Variants in ACACB observed in about 807,000 individuals in gnomAD.
ACACB encodes acetyl-CoA carboxylase 2.
A neutral mutation model predicts 278.8 loss-of-function variants in ACACB; 209 were observed. The observed-to-expected ratio is 0.75, with a 90% CI of 0.67 to 0.84. ACACB has a LOEUF of 0.84. Ranked by LOEUF, ACACB falls within the 40% of genes least tolerant of loss-of-function variation. The probability of loss-of-function intolerance (pLI) is 0.00; values close to 1 mark genes in which losing one functional copy is unlikely to be tolerated. For missense variants in ACACB, 2,850 were observed against 3,269.0 expected (o/e 0.87, Z 3.13); for synonymous variants, 1,174 against 1,285.6 (o/e 0.91, Z 1.86).
chr12:109,218,168 C>G (rs1017147276), intron 24 of ACACB, among the ~76,000 whole-genome samples: 1 of 152,176 alleles, frequency 6.6e-6, no homozygotes, highest in Non-Finnish European at 1.5e-5. Context: ...GTTCTTGTTT[C>G]TCTTTCCACT....
At position 109,222,638 on chromosome 12, in the gene ACACB, G is replaced by A. The variant is rs761953064; in HGVS notation, c.3678+18G>A. 27 of 1,603,888 alleles carry A rather than the reference G, an allele frequency of 1.7e-5. No homozygotes were observed. Among genetic ancestry groups the A allele is most frequent in the Admixed American group, 6.7e-5 (4 of 59,956 alleles). The stretch of plus-strand genomic sequence containing the variant: ...CCCGGCAGGTAGGGTCTCAGGGTGC[G>A]GTCCCCACGATGTGCGTTTCCCCCC... On this transcript the variant is annotated intron_variant, in intron 25 of 52. Transcript: ENST00000338432.
chr12:109,228,208 G>A (rs575766793), intron 28 of ACACB, among the ~76,000 whole-genome samples: 1 of 151,552 alleles, frequency 6.6e-6, no homozygotes, highest in South Asian at 2.1e-4. Context: ...GCATGGTGGT[G>A]TGCACTGGTA....
intron 1 of ACACB, among the ~76,000 whole-genome samples, chr12:109,124,150 T>C (rs1365351698): frequency 1.3e-5 from 2 of 152,190 alleles, no homozygotes; most frequent in African/African-American, 2.4e-5. Flanking sequence ...TAGTACCTAG[T>C]TCATGCTGAC....
Position 109,253,140 on chromosome 12 carries a change from G to A in ACACB, c.6027G>A (p.Trp2009Ter). The change falls in exon 43 of 53, where the codon TGG (tryptophan) becomes TGA (stop). Residue 2009 changes from tryptophan (W) to a stop codon, truncating the protein, a stop_gained. Transcript: ENST00000338432. LOFTEE classifies it high-confidence loss of function. ...DFEGVYTILEWLSYMPKDNHS... is the reference protein window; with the variant it reads ...DFEGVYTILE ...AGGGGGTTTATACCATCCTGGAGTG[G>A]CTGTCCTATATGCCAAAGGTGCAGT... 1 of 1,593,914 alleles carries A rather than the reference G, an allele frequency of 6.3e-7. No individual in the cohort carries two copies. The highest frequency in any genetic ancestry group is 1.1e-5 in the South Asian group (1 of 87,198).
At chr12:109,249,747 C>A in intron 40 of ACACB, 1 of 351,550 alleles carries the variant, frequency 2.8e-6, no homozygotes, top group Non-Finnish European at 5.1e-6. Context: ...CCGCCTCGTC[C>A]TCCCAAACTG....
At chr12:109,163,686 A>G (rs554108553) in intron 2 of ACACB, among the ~76,000 whole-genome samples, 3 of 152,044 alleles carry the variant, frequency 2.0e-5, no homozygotes, top group Admixed American at 6.5e-5. Flanking sequence ...GTCTCACTCT[A>G]TTGCCCAGGC....
At chr12:109,181,229 C>CTTTT (rs1219593155) in intron 11 of ACACB, among the ~76,000 whole-genome samples, 1 of 130,786 alleles carries the variant, frequency 7.6e-6, no homozygotes, top group African/African-American at 2.9e-5. Flanking sequence ...TTTTTCTTTT[C>CTTTT]TTTTTTTTTT....
At chr12:109,130,731 C>T (rs762626130) in intron 1 of ACACB, among the ~76,000 whole-genome samples, 4 of 152,176 alleles carry the variant, frequency 2.6e-5, no homozygotes, top group Non-Finnish European at 5.9e-5. Context: ...TTGGCCTGTC[C>T]CCATCAGTTT....
intron 13 of ACACB, among the ~76,000 whole-genome samples, chr12:109,188,723 A>G (rs966078724): frequency 6.6e-6 from 1 of 152,072 alleles, no homozygotes; most frequent in African/African-American, 2.4e-5. Flanking sequence ...CCTTTATTGA[A>G]GATCCACAAA....
Position 109,246,334 on chromosome 12 carries a change from A to T in ACACB, c.5457A>T (p.Ala1819=). The T allele has an allele frequency of 1.2e-6, 2 of 1,612,126 alleles. No individual in the cohort carries two copies. Among genetic ancestry groups the T allele is most frequent in the Non-Finnish European group, 1.7e-6 (2 of 1,179,638 alleles). ...LYLRASEMAR[A]EGIPKIYVAA... is the part of the protein sequence containing the mutation. ...TGCGGGCATCCGAGATGGCCCGGGC[A>T]GAGGGCATTCCCAAAATTTACGTGG... is the stretch of plus-strand genomic sequence containing the variant. Residue 1819 remains alanine (A), a synonymous_variant, in exon 39 of 53, where the codon GCA becomes GCT. Coordinates refer to ENST00000338432, the MANE Select transcript of ACACB (RefSeq NM_001093.4).
chr12:109,238,445 CATATA>C (rs1278291667), intron 34 of ACACB, among the ~76,000 whole-genome samples: 37 of 121,452 alleles, frequency 3.0e-4, no homozygotes, highest in Non-Finnish European at 5.1e-4. Context: ...TATAATATAA[CATATA>C]ATATACATAA....
At chr12:109,167,174 T>A (rs1389174104) in intron 3 of ACACB, 181 bp downstream of exon 3, 2 of 701,218 alleles carry the variant, frequency 2.9e-6, no homozygotes, top group Admixed American at 5.8e-5. Context: ...GTGAAGCCTC[T>A]TTCAAAGGGC....
chr12:109,236,965 T>C (rs989965606), intron 33 of ACACB, among the ~76,000 whole-genome samples, 200 bp from the exon 34 acceptor site: 2 of 152,064 alleles, frequency 1.3e-5, no homozygotes, highest in African/African-American at 4.8e-5. Context: ...ATAGCTCTCC[T>C]CAGATCTTAG....
chr12:109,255,045 A>G (rs2047189553), intron 44 of ACACB, among the ~76,000 whole-genome samples: 1 of 151,956 alleles, frequency 6.6e-6, no homozygotes, highest in Non-Finnish European at 1.5e-5. Flanking sequence ...AAAGTGCTGG[A>G]ATTACAGACA....
At chr12:109,170,000 A>G (rs2044057128) in intron 4 of ACACB, among the ~76,000 whole-genome samples, 1 of 152,228 alleles carries the variant, frequency 6.6e-6, no homozygotes, top group African/African-American at 2.4e-5. Context: ...TCTATAGTAC[A>G]GATGTCCCAA....
At chr12:109,133,391 T>A (rs2042881269) in intron 1 of ACACB, among the ~76,000 whole-genome samples, 1 of 151,958 alleles carries the variant, frequency 6.6e-6, no homozygotes, top group South Asian at 2.1e-4. Flanking sequence ...CCACTGCCCA[T>A]GGCTAATTTT....
At chr12:109,243,764 A>G (rs1184220410) in intron 37 of ACACB, among the ~76,000 whole-genome samples, 1 of 152,090 alleles carries the variant, frequency 6.6e-6, no homozygotes, top group East Asian at 1.9e-4. Flanking sequence ...ATTTTCTTCA[A>G]GTATTTTTTA....
chr12:109,126,193 T>G (rs1162242061), intron 1 of ACACB, among the ~76,000 whole-genome samples: 1 of 152,152 alleles, frequency 6.6e-6, no homozygotes, highest in Non-Finnish European at 1.5e-5. Flanking sequence ...AGCTGAACAG[T>G]GGACTTCAGC....
chr12:109,210,405 G>A (rs1396840798), intron 21 of ACACB, among the ~76,000 whole-genome samples: 8 of 137,730 alleles, frequency 5.8e-5, no homozygotes, highest in Admixed American at 1.4e-4. Context: ...GTATATACAC[G>A]CACACACATG....
Sources: gnomAD v4.1 joint callset for allele counts (sites outside exome capture counted in the v4.1 genomes callset) on GRCh38, gnomAD v4.1.1 for gene constraint, MANE v1.5 for transcripts, NCBI Gene and HGNC (gene_info 2026-07-23, HGNC 2026-07-21) for gene names.